Variants in GRIP1 observed in about 807,000 individuals in gnomAD.
GRIP1 encodes the protein glutamate receptor interacting protein 1, also known as glutamate receptor-interacting protein 1.
In GRIP1, 45 loss-of-function variants were observed where a neutral mutation model predicts 129.9. That is an observed-to-expected ratio of 0.35 (90% CI 0.27 to 0.44). GRIP1 has a LOEUF of 0.44. Ranked by LOEUF, GRIP1 falls within the 20% of genes least tolerant of loss-of-function variation. The pLI is 1.00. For missense variants in GRIP1, 1,196 were observed against 1,396.8 expected (o/e 0.86, Z 2.29); for synonymous variants, 530 against 520.8 (o/e 1.02, Z -0.24).
chr12:67,036,472 T>G (rs2043097162), intron 1 of GRIP1, among the ~76,000 whole-genome samples: 1 of 151,814 alleles, frequency 6.6e-6, no homozygotes, highest in South Asian at 2.1e-4. Flanking sequence ...GGATTACAGG[T>G]GCCCACCACT....
chr12:66,420,912 G>A, intron 14 of GRIP1, 123 bp from the exon 15 acceptor site: 1 of 683,422 alleles, frequency 1.5e-6, no homozygotes, highest in South Asian at 1.6e-5. Context: ...AAGATGGTCA[G>A]CAAATGAATT....
intron 2 of GRIP1, among the ~76,000 whole-genome samples, chr12:66,570,406 G>A (rs756907461): frequency 2.6e-5 from 4 of 152,064 alleles, no homozygotes; most frequent in Non-Finnish European, 5.9e-5. Context: ...CCACCACACC[G>A]GGCCTCAACT....
intron 22 of GRIP1, 76 bp downstream of exon 22, chr12:66,376,941 C>G: frequency 1.0e-6 from 1 of 996,482 alleles, no homozygotes; most frequent in Non-Finnish European, 1.6e-6. Flanking sequence ...TGTATAAAAT[C>G]AAATTGCTGT....
intron 1 of GRIP1, among the ~76,000 whole-genome samples, chr12:67,029,870 G>T (rs1175107721): frequency 6.6e-6 from 1 of 151,708 alleles, no homozygotes; most frequent in Non-Finnish European, 1.5e-5. Context: ...GAATTGCTTA[G>T]ATGTTTTTAT....
At chr12:67,041,259 C>T (rs1211182180) in intron 1 of GRIP1, among the ~76,000 whole-genome samples, 1 of 151,670 alleles carries the variant, frequency 6.6e-6, no homozygotes, top group Non-Finnish European at 1.5e-5. Context: ...TGCATATATA[C>T]ATGTGTATAT....
chr12:66,356,163 G>C (rs1216988041), intron 23 of GRIP1, among the ~76,000 whole-genome samples: 2 of 152,224 alleles, frequency 1.3e-5, no homozygotes, highest in African/African-American at 4.8e-5. Flanking sequence ...TCCTCCAATG[G>C]GGGATGCTAG....
intron 23 of GRIP1, among the ~76,000 whole-genome samples, chr12:66,353,784 T>C (rs1052789976): frequency 6.6e-6 from 1 of 152,198 alleles, no homozygotes; most frequent in Non-Finnish European, 1.5e-5. Context: ...GGAGGAGAAC[T>C]GGAACGTCTG....
intron 2 of GRIP1, among the ~76,000 whole-genome samples, chr12:66,573,619 C>A (rs1382407619): frequency 6.6e-6 from 1 of 152,136 alleles, no homozygotes; most frequent in Admixed American, 6.5e-5. Flanking sequence ...AGCTCCAGAG[C>A]CTGCGTTCCT....
chr12:66,573,040 C>T (rs1206868048), intron 2 of GRIP1, among the ~76,000 whole-genome samples: 3 of 151,728 alleles, frequency 2.0e-5, no homozygotes, highest in Non-Finnish European at 2.9e-5. Flanking sequence ...ATATATATGC[C>T]GACTATGCAC....
chr12:66,655,606 C>CTTTT (rs1173143521), intron 1 of GRIP1, among the ~76,000 whole-genome samples: 14 of 118,024 alleles, frequency 1.2e-4, no homozygotes, highest in Non-Finnish European at 2.0e-4. Context: ...TTTTTTTGTA[C>CTTTT]TTTTTTTTTT....
intron 9 of GRIP1, among the ~76,000 whole-genome samples, chr12:66,460,907 C>A (rs1327402633): frequency 6.6e-6 from 1 of 152,136 alleles, no homozygotes; most frequent in Non-Finnish European, 1.5e-5. Flanking sequence ...AAATTTATTT[C>A]CTCTTGGAAA....
chr12:66,379,025 A>C (rs796498243), intron 20 of GRIP1, among the ~76,000 whole-genome samples: 9 of 152,348 alleles, frequency 5.9e-5, no homozygotes, highest in African/African-American at 2.2e-4. Context: ...TGCAAAGTTT[A>C]TAGAAGCAGC....
At chr12:66,692,155 T>C (rs1305899786) in intron 1 of GRIP1, among the ~76,000 whole-genome samples, 1 of 152,228 alleles carries the variant, frequency 6.6e-6, no homozygotes, top group African/African-American at 2.4e-5. Flanking sequence ...TGGAAACAAG[T>C]GCATTCTGCA....
chr12:66,933,485 T>C (rs773621196), intron 1 of GRIP1, among the ~76,000 whole-genome samples: 35 of 152,342 alleles, frequency 2.3e-4, no homozygotes, highest in Admixed American at 1.2e-3. Context: ...AGAATATCTA[T>C]TATTAAGCTT....
chr12:66,881,182 G>A (rs1346721182), intron 1 of GRIP1, among the ~76,000 whole-genome samples: 1 of 24,538 alleles, frequency 4.1e-5, no homozygotes, highest in African/African-American at 4.5e-5. Context: ...AAACGCTACA[G>A]AAAAAGAGAG....
intron 2 of GRIP1, among the ~76,000 whole-genome samples, chr12:66,561,435 T>A (rs917754121): frequency 6.6e-6 from 1 of 152,060 alleles, no homozygotes; most frequent in Non-Finnish European, 1.5e-5. Context: ...AAACATCTCA[T>A]GTACCCCATA....
At chr12:66,456,807 T>C (rs1421278557) in intron 9 of GRIP1, among the ~76,000 whole-genome samples, 1 of 152,108 alleles carries the variant, frequency 6.6e-6, no homozygotes, top group Non-Finnish European at 1.5e-5. Context: ...ATTCAAGTGG[T>C]TTACTAGTCA....
chr12:66,824,718 A>G (rs1010160417), intron 1 of GRIP1, among the ~76,000 whole-genome samples: 2 of 152,232 alleles, frequency 1.3e-5, no homozygotes, highest in African/African-American at 4.8e-5. Context: ...TTCACTTAGA[A>G]GCTAAATTTC....
At chr12:66,858,144 A>G (rs989976513) in intron 1 of GRIP1, among the ~76,000 whole-genome samples, 6 of 152,014 alleles carry the variant, frequency 3.9e-5, no homozygotes, top group Admixed American at 3.9e-4. Flanking sequence ...GTTATTCAGC[A>G]TGGTAAAGGA....
Sources: gnomAD v4.1 joint callset for allele counts (sites outside exome capture counted in the v4.1 genomes callset) on GRCh38, gnomAD v4.1.1 for gene constraint, MANE v1.5 for transcripts, NCBI Gene and HGNC (gene_info 2026-07-23, HGNC 2026-07-21) for gene names.